EXOC3: variants seen among roughly 807,000 people sequenced by gnomAD.
EXOC3 encodes SEC6-like 1.
A neutral mutation model predicts 73.7 loss-of-function variants in EXOC3; 21 were observed. The ratio of observed to expected loss-of-function variants is 0.29; its 90% CI spans 0.20 to 0.41. EXOC3 has a LOEUF of 0.41. Ranked by LOEUF, EXOC3 falls within the 10% of genes least tolerant of loss-of-function variation. The probability of loss-of-function intolerance (pLI) is 1.00; values close to 1 mark genes in which losing one functional copy is unlikely to be tolerated. For synonymous variants in EXOC3, 410 were observed against 389.1 expected (o/e 1.05, Z -0.63); for missense variants, 842 against 985.1 (o/e 0.85, Z 1.95).
At chr5:452,598 T>C (rs1737688131) in intron 3 of EXOC3, among the ~76,000 whole-genome samples, 1 of 152,254 alleles carries the variant, frequency 6.6e-6, no homozygotes, top group South Asian at 2.1e-4. Flanking sequence ...GTTTTTGTTG[T>C]TGAAAAATGG....
chr5:464,894 G>C, intron 10 of EXOC3: 1 of 588,464 alleles, frequency 1.7e-6, no homozygotes, highest in South Asian at 2.1e-5. Flanking sequence ...GCTGGGGGCC[G>C]GAGCTGGCCT....
chr5:451,063 T>C (rs1361541878), intron 3 of EXOC3, among the ~76,000 whole-genome samples: 1 of 152,238 alleles, frequency 6.6e-6, no homozygotes, highest in Non-Finnish European at 1.5e-5. Context: ...TGATTACTGA[T>C]AAGAAGGGAC....
chr5:460,890 CT>C (rs1737963382), intron 7 of EXOC3, among the ~76,000 whole-genome samples: 1 of 152,228 alleles, frequency 6.6e-6, no homozygotes, highest in East Asian at 1.9e-4. Flanking sequence ...ACTTCTTTCC[CT>C]TTAATTGCCA....
At chr5:462,830 G>A (rs1175315445) in intron 9 of EXOC3, among the ~76,000 whole-genome samples, 2 of 152,232 alleles carry the variant, frequency 1.3e-5, no homozygotes, top group Admixed American at 6.5e-5. Flanking sequence ...TGTAGGCCGG[G>A]TGTGGTGGCT....
At chr5:444,561 C>G (rs998865730) in intron 1 of EXOC3, among the ~76,000 whole-genome samples, 4 of 150,576 alleles carry the variant, frequency 2.7e-5, no homozygotes, top group African/African-American at 9.7e-5. Flanking sequence ...ATGATAATGT[C>G]CAAACAAAAT....
Position 446,290 on chromosome 5 carries a change from G to A in EXOC3, c.85G>A (p.Val29Met). The change falls in exon 2 of 13, where the codon GTG (valine) becomes ATG (methionine). Residue 29 changes from valine to methionine, a missense_variant. Physicochemically the swap from Val to Met is conservative, Grantham distance 21 (BLOSUM62 1). Transcript: ENST00000512944. ...CCAGCGCCCGGACCAGCTGGACAAG[G>A]TGGAGCAGTATCGCAGGAGAGAAGC... The part of the protein sequence containing the change: ...MLQRPDQLDK[V>M]EQYRRREARK... The A allele has an allele frequency of 6.2e-7, 1 of 1,613,984 alleles. No individual in the cohort carries two copies. Among genetic ancestry groups the A allele is most frequent in the Non-Finnish European group, 8.5e-7 (1 of 1,179,886 alleles).
chr5:462,333 G>C (rs563248749), intron 9 of EXOC3, 26 bp downstream of exon 9: 1 of 1,613,432 alleles, frequency 6.2e-7, no homozygotes, highest in South Asian at 1.1e-5. Flanking sequence ...TCCTCCTGCC[G>C]TTTTCTGGGC....
intron 9 of EXOC3, 119 bp downstream of exon 9, chr5:462,426 T>A: frequency 8.7e-7 from 1 of 1,144,780 alleles, no homozygotes; most frequent in Non-Finnish European, 1.3e-6. Context: ...AGCCGGGCTG[T>A]GCACTTGCAT....
chr5:456,981 T>G lies in EXOC3; in HGVS notation c.1139T>G (p.Leu380Arg). The part of the protein sequence containing the change: ...LLSPHVVSEL[L>R]DTYMSTLTSN... ...TCTCCACACGTGGTCTCTGAGCTGC[T>G]TGACACGTACATGTCCACGCTCACT... Residue 380 changes from leucine to arginine, a missense_variant, in exon 5 of 13, where the codon CTT (leucine) becomes CGT (arginine). Transcript: ENST00000512944. The G allele has an allele frequency of 6.2e-7, 1 of 1,613,876 alleles. No homozygotes were observed. The highest frequency in any genetic ancestry group is 8.5e-7 in the Non-Finnish European group (1 of 1,179,756).
chr5:466,143 G>T (rs7448656), intron 12 of EXOC3: 133,059 of 330,136 alleles, frequency 0.4, 35,686 homozygotes, highest in African/African-American at 0.64. Flanking sequence ...GGGAAGATTT[G>T]GGCTGTGGAG....
intron 6 of EXOC3, 90 bp downstream of exon 6, chr5:458,115 C>G: frequency 7.4e-7 from 1 of 1,352,854 alleles, no homozygotes. Flanking sequence ...TACCTGGGAT[C>G]TTCATCCACA....
At chr5:447,406 G>A in intron 2 of EXOC3, 127 bp from the exon 3 acceptor site, 1 of 612,724 alleles carries the variant, frequency 1.6e-6, no homozygotes, top group Non-Finnish European at 2.9e-6. Context: ...TCTTTTCTGG[G>A]TATTGACTGT....
chr5:461,206 A>G (rs890739712), intron 7 of EXOC3, among the ~76,000 whole-genome samples: 1 of 152,164 alleles, frequency 6.6e-6, no homozygotes, highest in African/African-American at 2.4e-5. Flanking sequence ...ATTCCTCACA[A>G]TCAACTATGT....
At chr5:451,018 G>T (rs570538820) in intron 3 of EXOC3, among the ~76,000 whole-genome samples, 75 of 151,880 alleles carry the variant, frequency 4.9e-4, no homozygotes, top group African/African-American at 1.8e-3. Context: ...AATTAATTTT[G>T]CCTACCTCTT....
chr5:462,566 CA>C, intron 9 of EXOC3: 1 of 485,772 alleles, frequency 2.1e-6, no homozygotes. Context: ...TAGTGGATTA[CA>C]AAATAGAAAC....
chr5:464,240 C>G lies in EXOC3; in HGVS notation c.1654-50C>G. 4 of 1,591,982 alleles carry G rather than the reference C, an allele frequency of 2.5e-6. No individual in the cohort carries two copies. The East Asian group carries it at 9.1e-5, about 36-fold the overall frequency. Reference sequence around the variant, plus strand: ...GCCTCCCTCCCACATGCACTCGGCTCTCGTGGGACGTTGAGGTGATGATTT... The same window carrying G: ...GCCTCCCTCCCACATGCACTCGGCTGTCGTGGGACGTTGAGGTGATGATTT... On this transcript the variant is annotated intron_variant, in intron 9 of 12. Coordinates refer to ENST00000512944, the MANE Select transcript of EXOC3 (RefSeq NM_007277.5).
chr5:466,820 A>G lies in EXOC3; in HGVS notation c.2160A>G (p.Ala720=), dbSNP rs1253545138. ...TIMETLEQGP[A]QASPSYVPLF... ...TGGAGACCCTGGAGCAGGGCCCAGC[A>G]CAGGCCAGCCCCAGCTACGTGCCCC... The change falls in exon 13 of 13, where the codon GCA becomes GCG. Residue 720 remains alanine (A), a synonymous_variant. Coordinates refer to ENST00000512944, the MANE Select transcript of EXOC3 (RefSeq NM_007277.5). 6.2e-7 allele frequency: 1 copy of G among 1,613,424 alleles called. No individual in the cohort carries two copies. The highest frequency in any genetic ancestry group is 1.1e-5 in the South Asian group (1 of 91,044).
intron 6 of EXOC3, 134 bp from the exon 7 acceptor site, chr5:459,225 C>G: frequency 1.6e-5 from 4 of 246,408 alleles, no homozygotes; most frequent in African/African-American, 6.1e-5. Context: ...CACGTGGTTT[C>G]ATTTTTTTTT....
chr5:464,511 A>G, intron 10 of EXOC3, 99 bp downstream of exon 10: 1 of 1,339,474 alleles, frequency 7.5e-7, no homozygotes, highest in Non-Finnish European at 1.1e-6. Flanking sequence ...CCGTGAGTGA[A>G]CGTTCACTTG....
Sources: allele counts gnomAD v4.1 joint callset (sites outside exome capture counted in the v4.1 genomes callset), GRCh38; gene constraint gnomAD v4.1.1; transcripts MANE v1.5; gene names NCBI Gene and HGNC (gene_info 2026-07-23, HGNC 2026-07-21).